Variants in ZNF470 observed in about 807,000 individuals in gnomAD.
The protein encoded by ZNF470 is chondrogenesis zinc finger protein 1.
ZNF470 carries 13 observed loss-of-function variants against 13.9 expected under a neutral mutation model. That is an observed-to-expected ratio of 0.94 (90% CI 0.61 to 1.49). ZNF470 has a LOEUF of 1.49. Among genes scored for constraint, ZNF470 ranks in the 40% most tolerant of loss-of-function variants. The probability of loss-of-function intolerance (pLI) is 0.00; values close to 1 mark genes in which losing one functional copy is unlikely to be tolerated. For synonymous variants in ZNF470, 293 were observed against 282.9 expected, an observed-to-expected ratio of 1.04 and a Z score of -0.36; for missense variants, 929 against 857.3, an observed-to-expected ratio of 1.08 and a Z score of -1.04.
chr19:56,572,723 C>CA (rs1444541093), intron 3 of ZNF470, among the ~76,000 whole-genome samples: 2 of 151,460 alleles, frequency 1.3e-5, no homozygotes, highest in South Asian at 2.1e-4. Context: ...AAACTAAAGA[C>CA]AAAAAAATCT....
At position 56,577,594 on chromosome 19, in the gene ZNF470, T is replaced by C. The variant is rs1410725757; in HGVS notation, c.1165T>C (p.Tyr389His). 6.2e-6 allele frequency: 10 copies of C among 1,613,864 alleles called. No individual in the cohort carries two copies. Among genetic ancestry groups the C allele is most frequent in the South Asian group, 1.1e-5 (1 of 91,088 alleles). The stretch of plus-strand genomic sequence containing the variant: ...TGCTTCTCTTATACGTCATCGGCGA[T>C]ATTATCATACTGGAGAGAAACCCTT... ...QNASLIRHRRYYHTGEKPFDC... is the reference protein window; with the variant it reads ...QNASLIRHRRHYHTGEKPFDC... Residue 389 changes from tyrosine to histidine, a missense_variant, in exon 6 of 6, where the codon TAT becomes CAT. Physicochemically the swap from Tyr to His is moderately conservative, Grantham distance 83 (BLOSUM62 2). Coordinates refer to ENST00000330619, the MANE Select transcript of ZNF470 (RefSeq NM_001001668.4).
rs11084454 is a variant in ZNF470, at chr19:56,581,800, T to C, written c.*3217T>C. ...ACTGGCCATACCCTACCATATGTTTTTGATGGACGTGGCCAATAAAATTGT... is the reference window on the plus strand; with the variant it reads ...ACTGGCCATACCCTACCATATGTTTCTGATGGACGTGGCCAATAAAATTGT... On this transcript the variant is annotated 3_prime_UTR_variant, in exon 6 of 6. Transcript: ENST00000330619. 0.37 allele frequency: 367,825 copies of C among 985,126 alleles called. 71,155 individuals are homozygous for C. The highest frequency in any genetic ancestry group is 0.65 in the African/African-American group (37,239 of 57,214). 61.0% of individuals were successfully genotyped at this position (985,126 alleles called of 1,614,324 possible).
Position 56,580,939 on chromosome 19 carries a change from A to T in ZNF470, c.*2356A>T, listed in dbSNP as rs1486642916. The T allele has an allele frequency of 2.0e-6, 2 of 984,976 alleles. No homozygotes were observed. Among genetic ancestry groups the T allele is most frequent in the Non-Finnish European group, 2.4e-6 (2 of 829,650 alleles). 61.0% of individuals were successfully genotyped at this position (984,976 alleles called of 1,614,324 possible). A position where few individuals can be genotyped will look rare whatever the true frequency, so the allele number is the denominator to read the frequency against. On this transcript the variant is annotated 3_prime_UTR_variant, in exon 6 of 6. Coordinates refer to ENST00000330619, the MANE Select transcript of ZNF470 (RefSeq NM_001001668.4). ...CTTTCACACTAATGAAATGCCTGAG[A>T]TATTAAAGGTCTAAATGTAAAATTA...
Position 56,578,589 on chromosome 19 carries a change from A to T in ZNF470, c.*6A>T, listed in dbSNP as rs148841078. On this transcript the variant is annotated 3_prime_UTR_variant, in exon 6 of 6. Coordinates refer to ENST00000330619, the MANE Select transcript of ZNF470 (RefSeq NM_001001668.4). ...CATACCACCAAGTCCTATAGATTCA[A>T]TCTCGTAAATGCTTCTAGCATCCAT... The T allele has an allele frequency of 2.7e-6, 4 of 1,507,060 alleles. No individual in the cohort carries two copies. Among genetic ancestry groups the T allele is most frequent in the Non-Finnish European group, 3.5e-6 (4 of 1,127,232 alleles). 93.4% of individuals were successfully genotyped at this position (1,507,060 alleles called of 1,614,324 possible).
At chr19:56,573,901 C>A (rs935367761) in intron 3 of ZNF470, 1 of 957,064 alleles carries the variant, frequency 1.0e-6, no homozygotes, top group Non-Finnish European at 1.2e-6. Context: ...TTTTTCCTTT[C>A]ATTTTTTAGG....
chr19:56,576,267 A>G (rs2044487682), intron 5 of ZNF470, among the ~76,000 whole-genome samples: 1 of 152,162 alleles, frequency 6.6e-6, no homozygotes, highest in South Asian at 2.1e-4. Flanking sequence ...AGAAATGTAG[A>G]ATGTTGTATA....
chr19:56,576,531 C>T (rs1229955205), intron 5 of ZNF470, among the ~76,000 whole-genome samples, 182 bp from the exon 6 acceptor site: 2 of 152,002 alleles, frequency 1.3e-5, no homozygotes, highest in Non-Finnish European at 2.9e-5. Context: ...ATACCATGGC[C>T]AAGGAGGATT....
At position 56,582,032 on chromosome 19, in the gene ZNF470, C is replaced by T; in HGVS notation, c.*3449C>T. 1.0e-6 allele frequency: 1 copy of T among 985,330 alleles called. No homozygotes were observed. The highest frequency in any genetic ancestry group is 1.2e-6 in the Non-Finnish European group (1 of 829,916). 61.0% of individuals were successfully genotyped at this position (985,330 alleles called of 1,614,324 possible). ...GCTTGCAAGTAAAGAAACAATCATACAGAATTTGGTACGAAGATTGGGTAA... is the reference window on the plus strand; with the variant it reads ...GCTTGCAAGTAAAGAAACAATCATATAGAATTTGGTACGAAGATTGGGTAA... On this transcript the variant is annotated 3_prime_UTR_variant, in exon 6 of 6. Coordinates refer to ENST00000330619, the MANE Select transcript of ZNF470 (RefSeq NM_001001668.4).
intron 5 of ZNF470, 72 bp downstream of exon 5, chr19:56,574,805 C>A: frequency 7.3e-7 from 1 of 1,369,240 alleles, no homozygotes. Context: ...TGTTGGAAAA[C>A]ACCTCTCAAA....
intron 3 of ZNF470, among the ~76,000 whole-genome samples, chr19:56,572,393 T>TA (rs1555772242): frequency 5.7e-5 from 5 of 88,410 alleles, no homozygotes; most frequent in East Asian, 2.9e-4. Context: ...TATATATAAA[T>TA]TAGCCAGGTG....
At chr19:56,574,263 T>G (rs368104927) in intron 3 of ZNF470, 131 bp from the exon 4 acceptor site, 26 of 1,386,812 alleles carry the variant, frequency 1.9e-5, no homozygotes, top group Non-Finnish European at 2.5e-5. Context: ...ACCCGGATCA[T>G]TTAGACCCTT....
At position 56,578,094 on chromosome 19, in the gene ZNF470, C is replaced by G; in HGVS notation, c.1665C>G (p.His555Gln). The G allele has an allele frequency of 6.2e-7, 1 of 1,613,566 alleles. No homozygotes were observed. The highest frequency in any genetic ancestry group is 8.5e-7 in the Non-Finnish European group (1 of 1,179,866). The change falls in exon 6 of 6, where the codon CAC becomes CAG. Residue 555 changes from histidine (H) to glutamine (Q), a missense_variant. Physicochemically the swap from His to Gln is conservative, Grantham distance 24. Transcript: ENST00000330619. ...GTCAGATTGCACACCTTGTTCAGCACCAGAGAGTTCATACTGGTGAGAAGC... is the reference window on the plus strand; with the variant it reads ...GTCAGATTGCACACCTTGTTCAGCAGCAGAGAGTTCATACTGGTGAGAAGC... Reference protein sequence around the residue: ...AFSQIAHLVQHQRVHTGEKPY... With the variant: ...AFSQIAHLVQQQRVHTGEKPY...
Position 56,579,565 on chromosome 19 carries a change from T to G in ZNF470, c.*982T>G. The G allele has an allele frequency of 1.0e-6, 1 of 985,460 alleles. No homozygotes were observed. The allele number at this position is 985,460 out of a possible 1,614,324, so 61.0% of individuals were successfully genotyped here. A position where few individuals can be genotyped will look rare whatever the true frequency, so the allele number is the denominator to read the frequency against. On this transcript the variant is annotated 3_prime_UTR_variant, in exon 6 of 6. Transcript: ENST00000330619. ...AAAAGGGTAGTTCAATACTTTGGCC[T>G]TTATAAAAGTACCACAGACAATTCG... is the stretch of plus-strand genomic sequence containing the variant.
Position 56,580,265 on chromosome 19 carries a change from G to A in ZNF470, c.*1682G>A. 1.7e-6 allele frequency: 1 copy of A among 593,170 alleles called. No individual in the cohort carries two copies. The highest frequency in any genetic ancestry group is 2.1e-6 in the Non-Finnish European group (1 of 472,664). The allele number at this position is 593,170 out of a possible 1,614,324, so 36.7% of individuals were successfully genotyped here. A position where few individuals can be genotyped will look rare whatever the true frequency, so the allele number is the denominator to read the frequency against. The stretch of plus-strand genomic sequence containing the variant: ...AGATATTGTTTATGATGCTTTGAGT[G>A]TTGGAGGAAGGGAGGATTGATGGTT... On this transcript the variant is annotated 3_prime_UTR_variant, in exon 6 of 6. Transcript: ENST00000330619.
chr19:56,578,652 A>G lies in ZNF470; in HGVS notation c.*69A>G, dbSNP rs2044512499. On this transcript the variant is annotated 3_prime_UTR_variant, in exon 6 of 6. Transcript: ENST00000330619. ...AGCACATGTCCCATCATCATAGTCC[A>G]AGACGCAACCATCTCATCTGGATTT... The G allele has an allele frequency of 7.3e-7, 1 of 1,376,192 alleles. No individual in the cohort carries two copies. The highest frequency in any genetic ancestry group is 9.4e-7 in the Non-Finnish European group (1 of 1,059,638). 85.2% of individuals were successfully genotyped at this position (1,376,192 alleles called of 1,614,324 possible). A position where few individuals can be genotyped will look rare whatever the true frequency, so the allele number is the denominator to read the frequency against.
At position 56,581,568 on chromosome 19, in the gene ZNF470, G is replaced by GA. The variant is rs1008407233; in HGVS notation, c.*2993dup. On this transcript the variant is annotated 3_prime_UTR_variant, in exon 6 of 6. Coordinates refer to ENST00000330619, the MANE Select transcript of ZNF470 (RefSeq NM_001001668.4). ...ATTCAATAGGAATTATGCAGCTGTT[G>GA]AAAAAAAATCAATGTGTGTAGTCAT... 36 of 788,622 alleles carry GA rather than the reference G, an allele frequency of 4.6e-5. No individual in the cohort carries two copies. The highest frequency in any genetic ancestry group is 5.1e-5 in the Non-Finnish European group (33 of 651,282). 48.9% of individuals were successfully genotyped at this position (788,622 alleles called of 1,614,324 possible).
intron 5 of ZNF470, 35 bp from the exon 6 acceptor site, chr19:56,576,678 A>G: frequency 7.3e-7 from 1 of 1,371,268 alleles, no homozygotes; most frequent in Non-Finnish European, 9.5e-7. Flanking sequence ...CTAGCATTTA[A>G]TAAAGGAGAC....
chr19:56,572,513 G>C (rs1445250242), intron 3 of ZNF470, among the ~76,000 whole-genome samples: 1 of 136,442 alleles, frequency 7.3e-6, no homozygotes, highest in Non-Finnish European at 1.5e-5. Context: ...CTGCACTCCA[G>C]TCTGGGCAAC....
Position 56,567,604 on chromosome 19 carries a change from G to A in ZNF470, c.-593G>A. 1 of 988,372 alleles carries A rather than the reference G, an allele frequency of 1.0e-6. No individual in the cohort carries two copies. The highest frequency in any genetic ancestry group is 1.2e-6 in the Non-Finnish European group (1 of 832,510). 61.2% of individuals were successfully genotyped at this position (988,372 alleles called of 1,614,324 possible). A position where few individuals can be genotyped will look rare whatever the true frequency, so the allele number is the denominator to read the frequency against. On this transcript the variant is annotated 5_prime_UTR_variant, in exon 1 of 6. Coordinates refer to ENST00000330619, the MANE Select transcript of ZNF470 (RefSeq NM_001001668.4). ...GTGTCCTGGTTCCTGTGTGGGCGGCGGGCGTGAGCGTGCGCGTGTGGCCTG... is the reference window on the plus strand; with the variant it reads ...GTGTCCTGGTTCCTGTGTGGGCGGCAGGCGTGAGCGTGCGCGTGTGGCCTG...
Sources: allele counts gnomAD v4.1 joint callset (sites outside exome capture counted in the v4.1 genomes callset), GRCh38; gene constraint gnomAD v4.1.1; transcripts MANE v1.5; gene names NCBI Gene and HGNC (gene_info 2026-07-23, HGNC 2026-07-21).